Variants in HERC2 observed in about 807,000 individuals in gnomAD.
HERC2 encodes the protein HECT and RLD domain containing E3 ubiquitin protein ligase 2, also known as E3 ubiquitin-protein ligase HERC2.
Under a neutral mutation model 537.7 loss-of-function variants are expected in HERC2, and 102 were observed. The observed-to-expected ratio is 0.19, with a 90% CI of 0.16 to 0.22. The LOEUF is 0.22. Ranked by LOEUF, HERC2 falls within the 10% of genes least tolerant of loss-of-function variation. The pLI is 1.00. For synonymous variants in HERC2, 2,224 were observed against 2,466.2 expected, an observed-to-expected ratio of 0.90 and a Z score of 2.91; for missense variants, 4,236 against 6,198.2, an observed-to-expected ratio of 0.68 and a Z score of 10.63.
intron 37 of HERC2, 105 bp downstream of exon 37, chr15:28,220,347 G>A (rs1900390711): frequency 1.0e-6 from 1 of 996,528 alleles, no homozygotes; most frequent in African/African-American, 1.6e-5. Context: ...CCAGCTGCAG[G>A]TGCGTCCTGA....
At chr15:28,321,182 C>T (rs1426120097) in intron 2 of HERC2, among the ~76,000 whole-genome samples, 180 bp downstream of exon 2, 1 of 152,128 alleles carries the variant, frequency 6.6e-6, no homozygotes, top group East Asian at 1.9e-4. Flanking sequence ...GGCAGCCGCG[C>T]ACGATCTACA....
intron 57 of HERC2, among the ~76,000 whole-genome samples, chr15:28,179,538 A>G (rs950414322): frequency 2.0e-5 from 3 of 152,260 alleles, no homozygotes; most frequent in African/African-American, 4.8e-5. Flanking sequence ...CCTCACCATG[A>G]TAACAGACTA....
At position 28,211,047 on chromosome 15, in the gene HERC2, T is replaced by C. The variant is rs1337109038; in HGVS notation, c.7024A>G (p.Ile2342Val). Reference protein sequence around the residue: ...LLSHQDKLRQILSQPAVQETG... With the variant: ...LLSHQDKLRQVLSQPAVQETG... ...TCCTGAACAGCTGGCTGAGACAGGA[T>C]CTGCCGCAGTTTATCCTGGTGGGAG... The change falls in exon 44 of 93, where the codon ATC (isoleucine) becomes GTC (valine). Residue 2342 changes from isoleucine to valine, a missense_variant. Ile to Val is a conservative substitution (Grantham distance 29). This residue lies in a region of HERC2 where 67 missense variants were observed against 140.1 expected (regional missense o/e 0.48). Transcript: ENST00000261609. 6.2e-7 allele frequency: 1 copy of C among 1,610,982 alleles called. No individual in the cohort carries two copies. Among genetic ancestry groups the C allele is most frequent in the Non-Finnish European group, 8.5e-7 (1 of 1,178,968 alleles).
intron 2 of HERC2, among the ~76,000 whole-genome samples, chr15:28,318,078 A>G (rs1478521877): frequency 6.6e-6 from 1 of 152,294 alleles, no homozygotes; most frequent in Non-Finnish European, 1.5e-5. Flanking sequence ...TTTACCTTAC[A>G]ACAAAACTGG....
rs2077247099 is a variant in HERC2 at position 28,322,102 on chromosome 15, C to T, written c.-59G>A. The T allele has an allele frequency of 1.2e-5, 1 of 83,032 alleles. No homozygotes were observed. Among genetic ancestry groups the T allele is most frequent in the Non-Finnish European group, 2.2e-5 (1 of 44,600 alleles). 5.1% of individuals were successfully genotyped at this position (83,032 alleles called of 1,614,324 possible). ...GACGCGCAGGGCCCGGCCGCCTCGC[C>T]TCGCCGGCGCGCGGACGCAGCCTCC... On this transcript the variant is annotated 5_prime_UTR_variant, in exon 1 of 93. Coordinates refer to ENST00000261609, the MANE Select transcript of HERC2 (RefSeq NM_004667.6).
Position 28,218,568 on chromosome 15 carries a change from C to A in HERC2, c.5949G>T (p.Glu1983Asp). The change falls in exon 38 of 93, where the codon GAG (glutamate) becomes GAT (aspartate). Residue 1983 changes from glutamate (E) to aspartate (D), a missense_variant. Physicochemically the swap from Glu to Asp is conservative, Grantham distance 45 (BLOSUM62 2). Transcript: ENST00000261609. ...TCTTGGTGGCTTCGCTCTGCATGATCTCAGCATGAACTCCAGCAGACAGAC... is the reference window on the plus strand; with the variant it reads ...TCTTGGTGGCTTCGCTCTGCATGATATCAGCATGAACTCCAGCAGACAGAC... Reference protein sequence around the residue: ...TLCLSAGVHAEIMQSEATKTL... With the variant: ...TLCLSAGVHADIMQSEATKTL... 1 of 1,598,162 alleles carries A rather than the reference C, an allele frequency of 6.3e-7. No homozygotes were observed. Among genetic ancestry groups the A allele is most frequent in the Non-Finnish European group, 8.5e-7 (1 of 1,179,742 alleles).
intron 2 of HERC2, among the ~76,000 whole-genome samples, chr15:28,307,146 C>G (rs188765547): frequency 6.6e-6 from 1 of 152,314 alleles, no homozygotes; most frequent in East Asian, 1.9e-4. Flanking sequence ...GCAAACTTAT[C>G]TATTTCTTCC....
intron 89 of HERC2, 109 bp from the exon 90 acceptor site, chr15:28,114,911 G>A: frequency 1.1e-6 from 1 of 874,000 alleles, no homozygotes; most frequent in South Asian, 1.6e-5. Flanking sequence ...TCAGCCTCAA[G>A]TGCATCTCGA....
intron 2 of HERC2, among the ~76,000 whole-genome samples, chr15:28,306,006 A>G (rs548708799): frequency 1.3e-3 from 194 of 152,264 alleles, no homozygotes; most frequent in African/African-American, 4.6e-3. Context: ...TAGAATGGCA[A>G]TCATTAAAAA....
intron 2 of HERC2, among the ~76,000 whole-genome samples, chr15:28,313,018 G>A (rs1338032636): frequency 6.6e-6 from 1 of 152,108 alleles, no homozygotes; most frequent in Non-Finnish European, 1.5e-5. Context: ...CACTGAGGCT[G>A]TGAGAGGTGG....
chr15:28,199,737 G>A (rs1289488241), intron 48 of HERC2, among the ~76,000 whole-genome samples: 6 of 152,158 alleles, frequency 3.9e-5, no homozygotes, highest in South Asian at 2.1e-4. Flanking sequence ...AGATGGGGCC[G>A]GAGGGAGTAC....
intron 35 of HERC2, 73 bp downstream of exon 35, chr15:28,228,145 G>T: frequency 2.4e-5 from 26 of 1,099,232 alleles, no homozygotes; most frequent in Non-Finnish European, 3.1e-5. Flanking sequence ...AAAAAAAAAA[G>T]AAAAGAAAAG....
At chr15:28,255,568 C>A (rs749233515) in intron 19 of HERC2, among the ~76,000 whole-genome samples, 2 of 152,142 alleles carry the variant, frequency 1.3e-5, no homozygotes, top group Non-Finnish European at 2.9e-5. Flanking sequence ...AATCTCAGGG[C>A]AGGGGAGTAT....
chr15:28,181,957 C>G (rs1895866691), intron 57 of HERC2, among the ~76,000 whole-genome samples: 1 of 152,192 alleles, frequency 6.6e-6, no homozygotes, highest in African/African-American at 2.4e-5. Context: ...GCTTGTTTCT[C>G]TGTGCTCGCA....
intron 44 of HERC2, among the ~76,000 whole-genome samples, chr15:28,210,788 T>C (rs1157871085): frequency 6.6e-6 from 1 of 152,032 alleles, no homozygotes; most frequent in East Asian, 1.9e-4. Context: ...TGAAAATACC[T>C]TTTTCCCTCC....
At chr15:28,230,252 T>C (rs1445491464) in intron 31 of HERC2, 115 bp downstream of exon 31, 4 of 1,009,448 alleles carry the variant, frequency 4.0e-6, no homozygotes, top group African/African-American at 1.6e-5. Flanking sequence ...ACTGGGGCCA[T>C]GTTTCTAACA....
At chr15:28,289,238 G>GA (rs553608194) in intron 4 of HERC2, among the ~76,000 whole-genome samples, 38 of 152,256 alleles carry the variant, frequency 2.5e-4, no homozygotes, top group African/African-American at 8.9e-4. Context: ...CACAAAGGTT[G>GA]AAAGTGAAAA....
At chr15:28,313,411 C>T (rs552581885) in intron 2 of HERC2, among the ~76,000 whole-genome samples, 1 of 152,312 alleles carries the variant, frequency 6.6e-6, no homozygotes, top group East Asian at 1.9e-4. Context: ...GACCTCCTGA[C>T]CTTGTGATCC....
chr15:28,319,092 CAA>C (rs2077165422), intron 2 of HERC2, among the ~76,000 whole-genome samples: 1 of 151,402 alleles, frequency 6.6e-6, no homozygotes. Context: ...GGAAGCTCCC[CAA>C]AGAGGGAAAC....
Sources: gnomAD v4.1 joint callset for allele counts (sites outside exome capture counted in the v4.1 genomes callset) on GRCh38, gnomAD v4.1.1 for gene constraint, gnomAD v4.1.1 regional missense constraint, MANE v1.5 for transcripts, NCBI Gene and HGNC (gene_info 2026-07-23, HGNC 2026-07-21) for gene names.